TRDN: variants seen among roughly 807,000 people sequenced by gnomAD.
The protein encoded by TRDN is triadin.
In TRDN, 161 loss-of-function variants were observed where a neutral mutation model predicts 149.7. The ratio of observed to expected loss-of-function variants is 1.08; its 90% CI spans 0.95 to 1.23. TRDN has a LOEUF of 1.23. Ranked by LOEUF, TRDN falls within the 50% of genes most tolerant of loss-of-function variation. The pLI is 0.00. For missense variants in TRDN, 896 were observed against 823.5 expected, an observed-to-expected ratio of 1.09 and a Z score of -1.08; for synonymous variants, 294 against 250.5, an observed-to-expected ratio of 1.17 and a Z score of -1.64.
In TRDN at chr6:123,383,475, T is replaced by C. The variant is rs969393; in HGVS notation, c.1136-1328A>G. 5.7e-3 allele frequency among the ~76,000 whole-genome samples: 870 copies of C among 152,092 alleles called. 29 individuals carry two copies. In the East Asian group the frequency reaches 0.06, roughly 10 times the overall value. On this transcript the variant is annotated intron_variant, in intron 14 of 40. Transcript: ENST00000334268. The stretch of plus-strand genomic sequence containing the variant: ...TCATAAAAATAAATATTTAGGGAAA[T>C]GCTTTTCTCAGGATATTGCTTTGTG...
At chr6:123,579,021 GTTGTTT>G (rs2114570436) in intron 1 of TRDN, among the ~76,000 whole-genome samples, 1 of 152,286 alleles carries the variant, frequency 6.6e-6, no homozygotes, top group Non-Finnish European at 1.5e-5. Flanking sequence ...TTTTGCTGAA[GTTGTTT>G]ATCAGCTTAA....
At chr6:123,553,845 T>C (rs1252830739) in intron 2 of TRDN, among the ~76,000 whole-genome samples, 1 of 152,140 alleles carries the variant, frequency 6.6e-6, no homozygotes, top group East Asian at 1.9e-4. Flanking sequence ...TCCCACAACA[T>C]GTGGGAATCA....
At chr6:123,580,599 T>C (rs908937680) in intron 1 of TRDN, among the ~76,000 whole-genome samples, 2 of 152,182 alleles carry the variant, frequency 1.3e-5, no homozygotes, top group African/African-American at 4.8e-5. Flanking sequence ...TGTCCTGGTT[T>C]GCTTAGAACA....
chr6:123,322,388 C>G (rs1779273251), intron 23 of TRDN, among the ~76,000 whole-genome samples: 2 of 152,052 alleles, frequency 1.3e-5, no homozygotes, highest in Non-Finnish European at 2.9e-5. Context: ...CTCTGAAACT[C>G]TCCAAATTTC....
At position 123,497,244 on chromosome 6, in the gene TRDN, C is replaced by T. The variant is rs1223374508; in HGVS notation, c.802G>A (p.Ala268Thr). 2 of 1,543,140 alleles carry T rather than the reference C, an allele frequency of 1.3e-6. No individual in the cohort carries two copies. The highest frequency in any genetic ancestry group is 1.7e-6 in the Non-Finnish European group (2 of 1,146,796). Reference protein sequence around the residue: ...VSKHEQKDQYAFCRYMIDIFV... With the variant: ...VSKHEQKDQYTFCRYMIDIFV... ...ATGTCAATCATATATCGACAGAATG[C>T]ATACTGATCTGACAGAGTAGAAAGA... The change falls in exon 9 of 41, where the codon GCA becomes ACA. Residue 268 changes from alanine (A) to threonine (T), a missense_variant. Transcript: ENST00000334268.
At chr6:123,481,156 C>T (rs532085978) in intron 9 of TRDN, among the ~76,000 whole-genome samples, 2 of 152,162 alleles carry the variant, frequency 1.3e-5, no homozygotes, top group South Asian at 4.2e-4. Context: ...TAAACCATAT[C>T]CAAGACTCTC....
intron 14 of TRDN, among the ~76,000 whole-genome samples, chr6:123,382,737 T>C (rs746850833): frequency 6.6e-6 from 1 of 152,012 alleles, no homozygotes; most frequent in Non-Finnish European, 1.5e-5. Context: ...GTAATGTCTA[T>C]TTCGTGGTCA....
intron 21 of TRDN, among the ~76,000 whole-genome samples, chr6:123,339,257 G>A (rs954860443): frequency 7.9e-5 from 12 of 151,958 alleles, no homozygotes; most frequent in Admixed American, 2.0e-4. Context: ...TGCTGAACTC[G>A]GTCTCCCAAA....
At chr6:123,250,631 T>C (rs1344648629) in intron 38 of TRDN, among the ~76,000 whole-genome samples, 1 of 152,118 alleles carries the variant, frequency 6.6e-6, no homozygotes, top group Admixed American at 6.6e-5. Context: ...ATGTCTCTGA[T>C]CATTTATTTT....
chr6:123,299,536 A>C (rs1778328816), intron 24 of TRDN, among the ~76,000 whole-genome samples: 6 of 152,020 alleles, frequency 3.9e-5, no homozygotes, highest in Admixed American at 3.9e-4. Context: ...GTCAAATTTG[A>C]GCAGCAAGTA....
intron 24 of TRDN, among the ~76,000 whole-genome samples, chr6:123,288,925 T>A (rs557283345): frequency 6.6e-6 from 1 of 151,724 alleles, no homozygotes; most frequent in African/African-American, 2.4e-5. Flanking sequence ...GTCAGAGAGA[T>A]ATTTGAACTC....
chr6:123,456,724 C>T, intron 10 of TRDN: 2 of 444,668 alleles, frequency 4.5e-6, no homozygotes, highest in South Asian at 3.2e-5. Context: ...CCACCTTGGC[C>T]TCCCAAAGTG....
At chr6:123,568,635 C>T (rs1016246790) in intron 2 of TRDN, among the ~76,000 whole-genome samples, 4 of 152,174 alleles carry the variant, frequency 2.6e-5, no homozygotes, top group Non-Finnish European at 5.9e-5. Context: ...ATGGCTTGTG[C>T]CCTCTGGAGT....
chr6:123,386,304 T>G, intron 14 of TRDN, among the ~76,000 whole-genome samples: 1 of 152,006 alleles, frequency 6.6e-6, no homozygotes, highest in East Asian at 1.9e-4. Context: ...GACAGGAAAA[T>G]GTATGAATGT....
intron 38 of TRDN, among the ~76,000 whole-genome samples, chr6:123,230,207 TA>T (rs1044132959): frequency 6.6e-6 from 1 of 151,888 alleles, no homozygotes; most frequent in Non-Finnish European, 1.5e-5. Context: ...TATGCAGCCA[TA>T]AAAAAAGGAT....
intron 7 of TRDN, among the ~76,000 whole-genome samples, chr6:123,504,673 A>G (rs780434607): frequency 6.6e-6 from 1 of 152,166 alleles, no homozygotes; most frequent in Admixed American, 6.5e-5. Context: ...TATATATTAC[A>G]CACATATATT....
At chr6:123,596,921 T>C (rs977917500) in intron 1 of TRDN, among the ~76,000 whole-genome samples, 1 of 152,158 alleles carries the variant, frequency 6.6e-6, no homozygotes, top group African/African-American at 2.4e-5. Flanking sequence ...AGGAGATTAA[T>C]GTTGTTTTTG....
At position 123,235,406 on chromosome 6, in the gene TRDN, G is replaced by A. The variant is rs531378934; in HGVS notation, c.1976-11275C>T. Among the ~76,000 whole-genome samples, 7 of 152,168 alleles carry A rather than the reference G, an allele frequency of 4.6e-5. No homozygotes were observed. In the South Asian group the frequency reaches 1.5e-3, roughly 32 times the overall value. On this transcript the variant is annotated intron_variant, in intron 38 of 40. Coordinates refer to ENST00000334268, the MANE Select transcript of TRDN (RefSeq NM_006073.4). The stretch of plus-strand genomic sequence containing the variant: ...CAGGATGGATTCCCACAAATGGTAA[G>A]GAACTGCTGGGAGTGGAATAAAAGT...
At chr6:123,587,383 T>G (rs576782444) in intron 1 of TRDN, among the ~76,000 whole-genome samples, 1 of 151,864 alleles carries the variant, frequency 6.6e-6, no homozygotes, top group African/African-American at 2.4e-5. Context: ...AAGGAAGAGA[T>G]TGAAGAGTGG....
Sources: gnomAD v4.1 joint callset for allele counts (sites outside exome capture counted in the v4.1 genomes callset) on GRCh38, gnomAD v4.1.1 for gene constraint, MANE v1.5 for transcripts, NCBI Gene and HGNC (gene_info 2026-07-23, HGNC 2026-07-21) for gene names.